The following PTPRT variants were observed in gnomAD, a reference collection of about 807,000 sequenced individuals.
PTPRT encodes the protein protein tyrosine phosphatase receptor type T.
A neutral mutation model predicts 176.8 loss-of-function variants in PTPRT; 56 were observed. The ratio of observed to expected loss-of-function variants is 0.32; its 90% CI spans 0.26 to 0.40. The LOEUF (loss-of-function observed/expected upper bound fraction) is 0.40. PTPRT is among the 10% of genes least tolerant of loss of function. The probability of loss-of-function intolerance (pLI) is 1.00; values close to 1 mark genes in which losing one functional copy is unlikely to be tolerated. For missense variants in PTPRT, 1,540 were observed against 1,908.2 expected (o/e 0.81, Z 3.60); for synonymous variants, 783 against 739.0 (o/e 1.06, Z -0.96).
Position 42,106,846 on chromosome 20 carries a change from C to T in PTPRT, c.3330G>A (p.Val1110=). 4 of 1,614,142 alleles carry T rather than the reference C, an allele frequency of 2.5e-6. No homozygotes were observed. The highest frequency in any genetic ancestry group is 8.5e-7 in the Non-Finnish European group (1 of 1,180,020). Residue 1110 remains valine (V), a synonymous_variant, in exon 24 of 31, where the codon GTG becomes GTA. Coordinates refer to ENST00000373187, the MANE Select transcript of PTPRT (RefSeq NM_007050.6). ...MLDMAENEGV[V]DIFNCVRELR... is the part of the protein sequence containing the mutation. ...GCTCACGCACGCAGTTGAAGATGTC[C>T]ACCACCCCTTCATTCTCGGCCATGT...
rs2077529662 is a variant in PTPRT at position 42,801,424 on chromosome 20, C to T, written c.215-9958G>A. On this transcript the variant is annotated intron_variant, in intron 2 of 30. Coordinates refer to ENST00000373187, the MANE Select transcript of PTPRT (RefSeq NM_007050.6). ...TGGTACCTCTATGCCTCAGTTTCCCCAAGGTGGTTCCATTCATGAAGGCTA... is the reference window on the plus strand; with the variant it reads ...TGGTACCTCTATGCCTCAGTTTCCCTAAGGTGGTTCCATTCATGAAGGCTA... 1.3e-5 allele frequency among the ~76,000 whole-genome samples: 2 copies of T among 152,192 alleles called. 1 individual carries two copies. Among genetic ancestry groups the T allele is most frequent in the South Asian group, 4.1e-4 (2 of 4,830 alleles).
chr20:43,092,155 G>A (rs752947672), intron 1 of PTPRT, among the ~76,000 whole-genome samples: 3 of 152,232 alleles, frequency 2.0e-5, no homozygotes, highest in Non-Finnish European at 4.4e-5. Context: ...ACTGGGAAGA[G>A]TGGAACAGCA....
intron 2 of PTPRT, among the ~76,000 whole-genome samples, chr20:42,843,772 G>C (rs2078320851): frequency 6.6e-6 from 1 of 152,196 alleles, no homozygotes; most frequent in Admixed American, 6.5e-5. Context: ...CTGAATTCTG[G>C]GTGCCACATT....
chr20:42,228,562 C>G (rs1385476202), intron 15 of PTPRT, among the ~76,000 whole-genome samples: 1 of 152,188 alleles, frequency 6.6e-6, no homozygotes, highest in Admixed American at 6.5e-5. Context: ...ATTTCTAAAC[C>G]TAAAACCCAT....
At chr20:42,123,303 G>T (rs17312368) in intron 19 of PTPRT, among the ~76,000 whole-genome samples, 1,657 of 152,286 alleles carry the variant, frequency 0.011, 10 homozygotes, top group Middle Eastern at 0.034. Context: ...TCTATTTTGT[G>T]AATTCATTTG....
chr20:42,242,328 G>A (rs1014192149), intron 14 of PTPRT, among the ~76,000 whole-genome samples: 6 of 152,142 alleles, frequency 3.9e-5, no homozygotes, highest in African/African-American at 1.4e-4. Context: ...ATTCCACTGG[G>A]CTCTCCCATT....
intron 2 of PTPRT, among the ~76,000 whole-genome samples, chr20:42,797,048 C>A (rs2077464568): frequency 6.6e-6 from 1 of 152,196 alleles, no homozygotes; most frequent in South Asian, 2.1e-4. Context: ...TCTTTTCTAT[C>A]TTTCCCATAC....
At chr20:43,150,709 G>A (rs761626856) in intron 1 of PTPRT, among the ~76,000 whole-genome samples, 4 of 151,836 alleles carry the variant, frequency 2.6e-5, no homozygotes, top group East Asian at 2.0e-4. Flanking sequence ...TGCCCTCCTC[G>A]GCTTCCCAAA....
chr20:42,723,044 T>C (rs946594767), intron 6 of PTPRT, among the ~76,000 whole-genome samples: 48 of 152,206 alleles, frequency 3.2e-4, no homozygotes, highest in African/African-American at 2.9e-4. Context: ...GTTGTCTTCA[T>C]TGGTAATAAT....
intron 4 of PTPRT, among the ~76,000 whole-genome samples, chr20:42,775,907 C>A (rs2077128467): frequency 1.3e-5 from 2 of 152,196 alleles, no homozygotes; most frequent in Non-Finnish European, 1.5e-5. Flanking sequence ...CAATTTTTAA[C>A]CATCTATGAG....
intron 1 of PTPRT, among the ~76,000 whole-genome samples, chr20:43,026,106 G>T (rs749633643): frequency 6.6e-6 from 1 of 151,858 alleles, no homozygotes; most frequent in Non-Finnish European, 1.5e-5. Flanking sequence ...TATATTTAGA[G>T]ACATTATTGT....
At chr20:42,543,984 G>A (rs565580620) in intron 7 of PTPRT, among the ~76,000 whole-genome samples, 2 of 152,286 alleles carry the variant, frequency 1.3e-5, no homozygotes, top group African/African-American at 4.8e-5. Context: ...AGGCTTTGTT[G>A]TTCCATTTAC....
At chr20:42,981,576 C>T (rs1200313251) in intron 1 of PTPRT, among the ~76,000 whole-genome samples, 2 of 152,228 alleles carry the variant, frequency 1.3e-5, no homozygotes, top group Non-Finnish European at 2.9e-5. Flanking sequence ...ACCTAGCCTG[C>T]TGGATGGGAA....
At chr20:42,596,252 G>A (rs1269008437) in intron 7 of PTPRT, among the ~76,000 whole-genome samples, 1 of 152,164 alleles carries the variant, frequency 6.6e-6, no homozygotes, top group East Asian at 1.9e-4. Flanking sequence ...CTGTCTCCAT[G>A]TCCCACCTGG....
At chr20:43,040,454 T>C (rs1482863187) in intron 1 of PTPRT, among the ~76,000 whole-genome samples, 1 of 152,212 alleles carries the variant, frequency 6.6e-6, no homozygotes, top group African/African-American at 2.4e-5. Flanking sequence ...ACAATAAATA[T>C]TTTTAAAATA....
chr20:42,738,715 TA>T (rs1487195741), intron 6 of PTPRT, among the ~76,000 whole-genome samples: 4 of 152,158 alleles, frequency 2.6e-5, no homozygotes, highest in African/African-American at 7.2e-5. Flanking sequence ...AGTCAACTAA[TA>T]GGGGGCATTT....
At chr20:43,115,036 C>T (rs74892973) in intron 1 of PTPRT, among the ~76,000 whole-genome samples, 55 of 152,212 alleles carry the variant, frequency 3.6e-4, no homozygotes, top group African/African-American at 1.0e-3. Context: ...GGGTTACATG[C>T]GCCATTTCAT....
intron 1 of PTPRT, among the ~76,000 whole-genome samples, chr20:42,924,888 C>T (rs1394264142): frequency 3.3e-5 from 5 of 152,222 alleles, no homozygotes; most frequent in Non-Finnish European, 5.9e-5. Flanking sequence ...GATTCTTGGG[C>T]TGTGCTCCAG....
intron 7 of PTPRT, among the ~76,000 whole-genome samples, chr20:42,623,917 T>G (rs2074244211): frequency 6.6e-6 from 1 of 151,900 alleles, no homozygotes; most frequent in South Asian, 2.1e-4. Context: ...AACAGTATTC[T>G]GCTCATCTGT....
Sources: gnomAD v4.1 joint callset for allele counts (sites outside exome capture counted in the v4.1 genomes callset) on GRCh38, gnomAD v4.1.1 for gene constraint, MANE v1.5 for transcripts, NCBI Gene and HGNC (gene_info 2026-07-23, HGNC 2026-07-21) for gene names.